Variants in PCDH9 observed in about 807,000 individuals in gnomAD.
PCDH9 encodes the protein protocadherin-9.
In PCDH9, 24 loss-of-function variants were observed where a neutral mutation model predicts 70.6. That is an observed-to-expected ratio of 0.34 (90% CI 0.25 to 0.48). PCDH9 has a LOEUF of 0.48. Among genes scored for constraint, PCDH9 ranks in the 20% least tolerant of loss-of-function variants. PCDH9 has a pLI of 0.99. For missense variants in PCDH9, 1,281 were observed against 1,503.6 expected, an observed-to-expected ratio of 0.85 and a Z score of 2.45; for synonymous variants, 562 against 558.5, an observed-to-expected ratio of 1.01 and a Z score of -0.09.
At chr13:66,779,027 C>T (rs922170900) in intron 3 of PCDH9, among the ~76,000 whole-genome samples, 3 of 152,070 alleles carry the variant, frequency 2.0e-5, no homozygotes, top group Admixed American at 2.0e-4. Flanking sequence ...CTATTCCTTT[C>T]TATTTATCTT....
intron 4 of PCDH9, among the ~76,000 whole-genome samples, chr13:66,479,705 A>T (rs1183096689): frequency 6.6e-6 from 1 of 152,204 alleles, no homozygotes; most frequent in Non-Finnish European, 1.5e-5. Flanking sequence ...TAGCTAAAGG[A>T]TTGTAAATTC....
chr13:66,579,896 C>T (rs118178940), intron 4 of PCDH9, among the ~76,000 whole-genome samples: 1,723 of 151,318 alleles, frequency 0.011, 27 homozygotes, highest in Middle Eastern at 0.034. Context: ...CTCACTGGAG[C>T]ACATTAAGTG....
At chr13:67,018,287 A>G (rs565344385) in intron 2 of PCDH9, among the ~76,000 whole-genome samples, 149 of 152,278 alleles carry the variant, frequency 9.8e-4, no homozygotes, top group Admixed American at 8.3e-3. Context: ...ATTGATTAAT[A>G]TTGCATTTTT....
intron 4 of PCDH9, among the ~76,000 whole-genome samples, chr13:66,350,422 C>T (rs1307241902): frequency 6.6e-6 from 1 of 152,104 alleles, no homozygotes; most frequent in African/African-American, 2.4e-5. Context: ...CATCACTGCC[C>T]ACTCCTTCTC....
chr13:66,751,747 T>C (rs983016246), intron 3 of PCDH9, among the ~76,000 whole-genome samples: 1 of 152,190 alleles, frequency 6.6e-6, no homozygotes, highest in African/African-American at 2.4e-5. Flanking sequence ...AAATAAACTT[T>C]TAATTTTGGT....
At chr13:66,851,573 CCTCA>C (rs1258144859) in intron 3 of PCDH9, among the ~76,000 whole-genome samples, 267 of 109,052 alleles carry the variant, frequency 2.4e-3, no homozygotes, top group Non-Finnish European at 3.8e-3. Flanking sequence ...CCCGCATCAC[CCTCA>C]CACACACACA....
intron 4 of PCDH9, among the ~76,000 whole-genome samples, chr13:66,416,016 C>T (rs1003489368): frequency 1.3e-5 from 2 of 152,134 alleles, no homozygotes; most frequent in Non-Finnish European, 2.9e-5. Context: ...TAGACTACTG[C>T]AAAACATTAA....
At chr13:66,845,384 C>G (rs1342315971) in intron 3 of PCDH9, among the ~76,000 whole-genome samples, 1 of 152,204 alleles carries the variant, frequency 6.6e-6, no homozygotes, top group Non-Finnish European at 1.5e-5. Context: ...CGCCCTGGAT[C>G]AGCCTCACCT....
chr13:66,546,248 A>G (rs1484283671), intron 4 of PCDH9, among the ~76,000 whole-genome samples: 1 of 152,050 alleles, frequency 6.6e-6, no homozygotes. Flanking sequence ...AGGCATTGTT[A>G]TCATAGGAGA....
At chr13:66,536,240 C>A (rs1227162938) in intron 4 of PCDH9, among the ~76,000 whole-genome samples, 1 of 151,916 alleles carries the variant, frequency 6.6e-6, no homozygotes, top group Non-Finnish European at 1.5e-5. Flanking sequence ...GGTCTTACAC[C>A]TCAGGGAGTA....
chr13:66,952,606 G>C (rs1594304876), intron 2 of PCDH9, among the ~76,000 whole-genome samples: 1 of 152,124 alleles, frequency 6.6e-6, no homozygotes, highest in South Asian at 2.1e-4. Context: ...AGAGGTATCA[G>C]TTATGTGCTA....
chr13:67,150,297 G>A (rs892209533), intron 2 of PCDH9, among the ~76,000 whole-genome samples: 13 of 152,074 alleles, frequency 8.5e-5, no homozygotes, highest in Non-Finnish European at 1.8e-4. Flanking sequence ...TCAGCTTCCC[G>A]AAGTGATGGG....
chr13:66,478,295 A>G (rs1958770579), intron 4 of PCDH9, among the ~76,000 whole-genome samples: 1 of 152,116 alleles, frequency 6.6e-6, no homozygotes, highest in Non-Finnish European at 1.5e-5. Flanking sequence ...GGACCCTCCT[A>G]TTCTCTAAAA....
At chr13:66,586,859 T>C (rs2138801143) in intron 4 of PCDH9, among the ~76,000 whole-genome samples, 1 of 152,274 alleles carries the variant, frequency 6.6e-6, no homozygotes, top group East Asian at 1.9e-4. Flanking sequence ...AAATAGATTT[T>C]AAACAACCTC....
At chr13:66,776,721 T>G (rs911572349) in intron 3 of PCDH9, among the ~76,000 whole-genome samples, 2 of 151,800 alleles carry the variant, frequency 1.3e-5, no homozygotes, top group Non-Finnish European at 2.9e-5. Context: ...AATTTACAGA[T>G]TCAATGCCAT....
chr13:66,843,941 G>C (rs2081159659), intron 3 of PCDH9, among the ~76,000 whole-genome samples: 2 of 152,116 alleles, frequency 1.3e-5, no homozygotes, highest in Admixed American at 1.3e-4. Context: ...ACTTACTTCT[G>C]TGGTGTCCAA....
At chr13:66,774,387 T>C (rs187090083) in intron 3 of PCDH9, among the ~76,000 whole-genome samples, 87 of 152,098 alleles carry the variant, frequency 5.7e-4, no homozygotes, top group African/African-American at 2.0e-3. Context: ...ACAGATGGTT[T>C]ACCATCATGC....
intron 2 of PCDH9, among the ~76,000 whole-genome samples, chr13:67,059,891 T>A (rs963240497): frequency 6.6e-6 from 1 of 151,010 alleles, no homozygotes; most frequent in Non-Finnish European, 1.5e-5. Flanking sequence ...TGTTGTTTTT[T>A]TTTTTTCTGC....
intron 3 of PCDH9, among the ~76,000 whole-genome samples, chr13:66,706,035 C>T (rs1463545791): frequency 1.3e-5 from 2 of 152,240 alleles, no homozygotes; most frequent in Admixed American, 6.5e-5. Flanking sequence ...ATAGAAAGCA[C>T]ACTTGGGGCC....
Sources: gnomAD v4.1 joint callset for allele counts (sites outside exome capture counted in the v4.1 genomes callset) on GRCh38, gnomAD v4.1.1 for gene constraint, MANE v1.5 for transcripts, NCBI Gene and HGNC (gene_info 2026-07-23, HGNC 2026-07-21) for gene names.